PDE8B: variants seen among roughly 807,000 people sequenced by gnomAD.
PDE8B encodes high affinity cAMP-specific and IBMX-insensitive 3',5'-cyclic phosphodiesterase 8B.
A neutral mutation model predicts 101.3 loss-of-function variants in PDE8B; 26 were observed. The ratio of observed to expected loss-of-function variants is 0.26; its 90% CI spans 0.19 to 0.36. PDE8B has a LOEUF of 0.36. Ranked by LOEUF, PDE8B falls within the 10% of genes least tolerant of loss-of-function variation. The pLI, the probability that PDE8B is intolerant of heterozygous loss-of-function variation, is 1.00. For synonymous variants in PDE8B, 424 were observed against 429.3 expected (o/e 0.99, Z 0.15); for missense variants, 810 against 1,163.1 (o/e 0.70, Z 4.42).
At chr5:77,182,037 G>A in the PDE8B span, among the ~76,000 whole-genome samples, 5 of 137,502 alleles carry the variant, frequency 3.6e-5, no homozygotes, top group Non-Finnish European at 7.5e-5. Flanking sequence ...GCAGTGGCAA[G>A]AGCATGGATT....
chr5:77,232,444 C>T (rs1753770607), intron 1 of PDE8B, among the ~76,000 whole-genome samples: 1 of 152,226 alleles, frequency 6.6e-6, no homozygotes, highest in South Asian at 2.1e-4. Context: ...AAGGTGATCA[C>T]TTGCCTTTAA....
At chr5:77,204,924 T>C in the PDE8B span, among the ~76,000 whole-genome samples, 1 of 152,244 alleles carries the variant, frequency 6.6e-6, no homozygotes, top group Admixed American at 6.5e-5. Context: ...TTGTGTTTCA[T>C]TTCTATATCC....
At chr5:77,380,139 C>A (rs1441215426) in intron 10 of PDE8B, among the ~76,000 whole-genome samples, 4 of 152,042 alleles carry the variant, frequency 2.6e-5, no homozygotes, top group Non-Finnish European at 5.9e-5. Context: ...GAGGATGAGA[C>A]AAAAACAAAA....
At chr5:77,183,476 A>C in the PDE8B span, among the ~76,000 whole-genome samples, 1 of 152,176 alleles carries the variant, frequency 6.6e-6, no homozygotes, top group Admixed American at 6.5e-5. Context: ...CTTAGATGAC[A>C]CAGCTAGTAG....
intron 1 of PDE8B, among the ~76,000 whole-genome samples, chr5:77,214,971 A>G (rs1046417932): frequency 1.3e-4 from 20 of 152,174 alleles, no homozygotes; most frequent in African/African-American, 4.3e-4. Context: ...AGGTGGGGCC[A>G]CCTCTAGCAG....
the PDE8B span, among the ~76,000 whole-genome samples, chr5:77,173,126 A>G: frequency 1.3e-5 from 2 of 152,200 alleles, no homozygotes; most frequent in Non-Finnish European, 2.9e-5. Flanking sequence ...GAAAGAGAAC[A>G]AGAGGTCAGA....
At chr5:77,192,486 C>A in the PDE8B span, among the ~76,000 whole-genome samples, 1 of 151,996 alleles carries the variant, frequency 6.6e-6, no homozygotes, top group East Asian at 1.9e-4. Context: ...TTCATACATG[C>A]TGTTGTGTAT....
chr5:77,392,304 TGAGAGGCCAAAGAAA>T (rs1256597289), intron 10 of PDE8B, among the ~76,000 whole-genome samples: 1 of 152,092 alleles, frequency 6.6e-6, no homozygotes, highest in Non-Finnish European at 1.5e-5. Context: ...CTGAGGAAGC[TGAGAGGCCAAAGAAA>T]GAGACTGACA....
chr5:77,254,065 TAATCTC>T (rs1020416408), intron 1 of PDE8B, among the ~76,000 whole-genome samples: 4 of 152,158 alleles, frequency 2.6e-5, no homozygotes, highest in African/African-American at 9.7e-5. Context: ...AATAAGTAGA[TAATCTC>T]TATGATTGTA....
the PDE8B span, among the ~76,000 whole-genome samples, chr5:77,097,869 C>T: frequency 6.7e-6 from 1 of 149,792 alleles, no homozygotes; most frequent in African/African-American, 2.4e-5. Context: ...ACCCACTTAC[C>T]ACTAGAAATG....
the PDE8B span, among the ~76,000 whole-genome samples, chr5:77,098,282 CTTT>C: frequency 0.23 from 32,579 of 140,862 alleles, 4,181 homozygotes; most frequent in Admixed American, 0.35. Context: ...CCACCTTCCT[CTTT>C]TTTTTTTTAA....
chr5:77,317,057 A>G (rs1028678207), intron 2 of PDE8B, among the ~76,000 whole-genome samples: 1 of 152,238 alleles, frequency 6.6e-6, no homozygotes, highest in Admixed American at 6.5e-5. Flanking sequence ...AGTACCTCCT[A>G]TGTTCAGGGC....
chr5:77,158,129 T>A, the PDE8B span, among the ~76,000 whole-genome samples: 29 of 152,196 alleles, frequency 1.9e-4, no homozygotes, highest in African/African-American at 6.3e-4. Flanking sequence ...CTGGAACTCA[T>A]ACCCAGGTGT....
At chr5:77,334,111 C>T (rs988448549) in intron 5 of PDE8B, among the ~76,000 whole-genome samples, 4 of 152,234 alleles carry the variant, frequency 2.6e-5, no homozygotes, top group Non-Finnish European at 5.9e-5. Flanking sequence ...TCCTGTCTTT[C>T]ACAACTCTCT....
At chr5:77,346,300 A>ACAGAC (rs1163658851) in intron 7 of PDE8B, among the ~76,000 whole-genome samples, 1 of 152,150 alleles carries the variant, frequency 6.6e-6, no homozygotes, top group Admixed American at 6.5e-5. Flanking sequence ...TGTTTCTGTT[A>ACAGAC]CAGACCAAGC....
intron 2 of PDE8B, among the ~76,000 whole-genome samples, chr5:77,320,434 G>A (rs1774791075): frequency 6.6e-6 from 1 of 152,158 alleles, no homozygotes; most frequent in South Asian, 2.1e-4. Context: ...CTCTTTTGCT[G>A]TGTTTACAAG....
At chr5:77,327,184 G>C (rs1472768926) in intron 3 of PDE8B, among the ~76,000 whole-genome samples, 1 of 152,160 alleles carries the variant, frequency 6.6e-6, no homozygotes, top group Non-Finnish European at 1.5e-5. Flanking sequence ...TGGCAGATGT[G>C]CATTCTTTGT....
intron 1 of PDE8B, among the ~76,000 whole-genome samples, chr5:77,266,100 G>C (rs573983776): frequency 1.3e-5 from 2 of 152,234 alleles, no homozygotes; most frequent in African/African-American, 4.8e-5. Context: ...TGAAAGGGAA[G>C]TACAGTCGAT....
At chr5:77,303,608 T>C (rs1455485192) in intron 1 of PDE8B, among the ~76,000 whole-genome samples, 3 of 151,598 alleles carry the variant, frequency 2.0e-5, no homozygotes, top group Non-Finnish European at 2.9e-5. Flanking sequence ...AAATAGGTCA[T>C]TCACAATATA....
Sources: gnomAD v4.1 joint callset for allele counts (sites outside exome capture counted in the v4.1 genomes callset) on GRCh38, gnomAD v4.1.1 for gene constraint, MANE v1.5 for transcripts, NCBI Gene and HGNC (gene_info 2026-07-23, HGNC 2026-07-21) for gene names.